The following RTTN variants were observed in gnomAD, a reference collection of about 807,000 sequenced individuals.
The protein encoded by RTTN is rotatin.
RTTN carries 182 observed loss-of-function variants against 269.2 expected under a neutral mutation model. The ratio of observed to expected loss-of-function variants is 0.68; its 90% CI spans 0.60 to 0.76. The LOEUF is 0.76. Ranked by LOEUF, RTTN falls within the 30% of genes least tolerant of loss-of-function variation. The probability of loss-of-function intolerance (pLI) is 0.00; values close to 1 mark genes in which losing one functional copy is unlikely to be tolerated. For missense variants in RTTN, 2,545 were observed against 2,608.6 expected (o/e 0.98, Z 0.53); for synonymous variants, 1,006 against 963.5 (o/e 1.04, Z -0.82).
At chr18:70,189,717 C>G (rs1469889086) in intron 9 of RTTN, among the ~76,000 whole-genome samples, 1 of 152,178 alleles carries the variant, frequency 6.6e-6, no homozygotes, top group Non-Finnish European at 1.5e-5. Flanking sequence ...TAGTTAACTA[C>G]CAGTGAAAAA....
intron 10 of RTTN, among the ~76,000 whole-genome samples, chr18:70,184,716 T>TTTTTTTTTTG (rs59000945): frequency 6.3e-4 from 21 of 33,444 alleles, no homozygotes; most frequent in South Asian, 3.3e-3. Flanking sequence ...TTTTTTTTTT[T>TTTTTTTTTTG]TGTGTGTGTG....
In RTTN at chr18:70,146,577, G is replaced by A. The variant is rs74884233; in HGVS notation, c.2310-794C>T. On this transcript the variant is annotated intron_variant, in intron 17 of 48. Coordinates refer to ENST00000640769, the MANE Select transcript of RTTN (RefSeq NM_173630.4). ...CAACAATTAAAACATGCATCATTAG[G>A]GTGGCCCTCCTACTACAGACTAGAG... Among the ~76,000 whole-genome samples, 592 of 152,154 alleles carry A rather than the reference G, an allele frequency of 3.9e-3. 23 individuals carry two copies. In the East Asian group the frequency reaches 0.088, roughly 23 times the overall value.
chr18:70,072,084 C>T (rs1311420874), intron 34 of RTTN, among the ~76,000 whole-genome samples: 3 of 152,068 alleles, frequency 2.0e-5, no homozygotes, highest in Admixed American at 1.3e-4. Context: ...AAAACACTCT[C>T]CAGATTTTTC....
At chr18:70,044,839 ATACTAC>A (rs2057448895) in intron 40 of RTTN, among the ~76,000 whole-genome samples, 1 of 152,198 alleles carries the variant, frequency 6.6e-6, no homozygotes. Context: ...ATATTTCATC[ATACTAC>A]TCAGAATGGC....
intron 37 of RTTN, among the ~76,000 whole-genome samples, chr18:70,055,336 C>T (rs922641160): frequency 6.6e-6 from 1 of 151,906 alleles, no homozygotes; most frequent in Non-Finnish European, 1.5e-5. Flanking sequence ...CACACACACA[C>T]TTTTTTTCCT....
chr18:70,086,709 A>G, intron 31 of RTTN, 25 bp from the exon 32 acceptor site: 2 of 77,652 alleles, frequency 2.6e-5, no homozygotes, highest in Non-Finnish European at 6.4e-5. Flanking sequence ...AAAAAAAAAA[A>G]AAAAAAAAAA....
At position 70,047,955 on chromosome 18, in the gene RTTN, C is replaced by A. The variant is rs77164606; in HGVS notation, c.5541+16G>T. ...AACGCTAAATAAAGTTTTTGAAAAA[C>A]CAAGAAATGACGTACCTGAAGGATT... On this transcript the variant is annotated intron_variant, in intron 40 of 48. Transcript: ENST00000640769. 3.9e-3 allele frequency: 6,267 copies of A among 1,601,658 alleles called. 192 individuals are homozygous for A. In the African/African-American group the frequency reaches 0.067, roughly 17 times the overall value.
intron 10 of RTTN, 137 bp from the exon 11 acceptor site, chr18:70,176,982 G>T (rs549008095): frequency 8.7e-5 from 52 of 596,402 alleles, no homozygotes; most frequent in Non-Finnish European, 1.3e-4. Flanking sequence ...ATTTATTCCT[G>T]TGAGAATTAC....
intron 10 of RTTN, among the ~76,000 whole-genome samples, chr18:70,187,145 G>T (rs1409340820): frequency 6.6e-6 from 1 of 152,242 alleles, no homozygotes; most frequent in African/African-American, 2.4e-5. Flanking sequence ...TCCATCAAGA[G>T]ACTAGGTTAA....
At chr18:70,119,326 A>AC (rs1236604861) in intron 26 of RTTN, among the ~76,000 whole-genome samples, 1 of 151,456 alleles carries the variant, frequency 6.6e-6, no homozygotes, top group South Asian at 2.1e-4. Flanking sequence ...ATAGCTACCA[A>AC]AAAAAATTAA....
chr18:70,169,154 T>C, intron 11 of RTTN, 87 bp from the exon 12 acceptor site: 1 of 895,964 alleles, frequency 1.1e-6, no homozygotes, highest in South Asian at 2.6e-5. Flanking sequence ...AGTCTTAATC[T>C]AATCCAACTT....
intron 43 of RTTN, among the ~76,000 whole-genome samples, chr18:70,028,419 C>T (rs961126093): frequency 2.0e-5 from 3 of 152,006 alleles, no homozygotes; most frequent in African/African-American, 4.8e-5. Context: ...GTTTTGACAA[C>T]CCGTTTTGAA....
chr18:70,133,873 C>T (rs1455226987), intron 23 of RTTN, among the ~76,000 whole-genome samples: 1 of 152,060 alleles, frequency 6.6e-6, no homozygotes, highest in Non-Finnish European at 1.5e-5. Context: ...AAACAATTTA[C>T]TTTTTACAAA....
intron 45 of RTTN, chr18:70,019,730 C>T (rs2056647872): frequency 6.6e-6 from 1 of 152,174 alleles, no homozygotes; most frequent in African/African-American, 2.4e-5. Context: ...CAGTAGGAGG[C>T]TGGCTCCAAC....
intron 19 of RTTN, among the ~76,000 whole-genome samples, chr18:70,140,669 A>T (rs1035834318): frequency 6.6e-6 from 1 of 152,102 alleles, no homozygotes; most frequent in Non-Finnish European, 1.5e-5. Context: ...CAAATATAAA[A>T]GGAACAAGAT....
At chr18:70,057,858 C>T (rs750091052) in intron 36 of RTTN, 26 bp from the exon 37 acceptor site, 2 of 1,521,056 alleles carry the variant, frequency 1.3e-6, no homozygotes, top group East Asian at 2.3e-5. Context: ...AAAGAAAATC[C>T]TTCAGAAGAT....
chr18:70,173,636 C>T (rs980437307), intron 11 of RTTN, among the ~76,000 whole-genome samples: 55 of 152,224 alleles, frequency 3.6e-4, no homozygotes, highest in African/African-American at 1.3e-3. Flanking sequence ...TCTCCCATAC[C>T]TGCATTTTAG....
intron 31 of RTTN, among the ~76,000 whole-genome samples, chr18:70,087,631 CAA>C (rs1035093528): frequency 4.0e-5 from 6 of 151,896 alleles, no homozygotes; most frequent in African/African-American, 1.5e-4. Context: ...ATAAATACTA[CAA>C]AGAGTTATTT....
chr18:70,089,854 T>A (rs2058796261), intron 30 of RTTN, among the ~76,000 whole-genome samples: 1 of 152,156 alleles, frequency 6.6e-6, no homozygotes, highest in Non-Finnish European at 1.5e-5. Flanking sequence ...TCCTCCTGAT[T>A]GCTTATAGCA....
Sources: allele counts gnomAD v4.1 joint callset (sites outside exome capture counted in the v4.1 genomes callset), GRCh38; gene constraint gnomAD v4.1.1; transcripts MANE v1.5; gene names NCBI Gene and HGNC (gene_info 2026-07-23, HGNC 2026-07-21).